Variants in GRID2 observed in about 807,000 individuals in gnomAD.
GRID2 encodes the protein glutamate receptor ionotropic, delta-2.
A neutral mutation model predicts 114.8 loss-of-function variants in GRID2; 33 were observed. That is an observed-to-expected ratio of 0.29 (90% confidence interval 0.22 to 0.38). The LOEUF is 0.38. Ranked by LOEUF, GRID2 falls within the 10% of genes least tolerant of loss-of-function variation. GRID2 has a pLI of 1.00. For synonymous variants in GRID2, 505 were observed against 449.9 expected, an observed-to-expected ratio of 1.12 and a Z score of -1.55; for missense variants, 1,184 against 1,257.7, an observed-to-expected ratio of 0.94 and a Z score of 0.89.
intron 2 of GRID2, among the ~76,000 whole-genome samples, chr4:92,767,055 G>C (rs1441113390): frequency 6.6e-6 from 1 of 152,082 alleles, no homozygotes; most frequent in Non-Finnish European, 1.5e-5. Context: ...CTAAATTTTG[G>C]TCAATGGGAT....
intron 1 of GRID2, among the ~76,000 whole-genome samples, chr4:93,792,139 TA>T (rs1183234229): frequency 6.6e-6 from 1 of 152,182 alleles, no homozygotes; most frequent in Non-Finnish European, 1.5e-5. Context: ...CATATATTCA[TA>T]ATTTCTAAAT....
intron 2 of GRID2, among the ~76,000 whole-genome samples, chr4:92,628,646 T>A (rs1402674776): frequency 1.3e-5 from 2 of 152,024 alleles, no homozygotes; most frequent in Non-Finnish European, 2.9e-5. Context: ...GCGTGAGCCA[T>A]AGCGCCAGGC....
intron 8 of GRID2, among the ~76,000 whole-genome samples, chr4:93,373,309 GT>G (rs919884953): frequency 5.4e-5 from 8 of 148,600 alleles, no homozygotes; most frequent in East Asian, 3.9e-4. Flanking sequence ...TGTTCTCTAA[GT>G]TTTTTTTTTC....
intron 2 of GRID2, among the ~76,000 whole-genome samples, chr4:92,929,024 G>A (rs926773986): frequency 2.0e-5 from 3 of 151,232 alleles, no homozygotes; most frequent in African/African-American, 7.3e-5. Flanking sequence ...TATTCATTTT[G>A]CTTAGGATTA....
chr4:92,651,495 C>A (rs545513931), intron 2 of GRID2, among the ~76,000 whole-genome samples: 7 of 152,092 alleles, frequency 4.6e-5, no homozygotes, highest in South Asian at 2.1e-4. Context: ...TATAATAGGT[C>A]ATACTATCCA....
intron 13 of GRID2, among the ~76,000 whole-genome samples, chr4:93,590,568 G>A (rs565243185): frequency 1.3e-5 from 2 of 152,150 alleles, no homozygotes; most frequent in South Asian, 2.1e-4. Flanking sequence ...GAACTTTAAA[G>A]TAGTTTTTTC....
At chr4:93,519,509 C>T (rs1472965517) in intron 13 of GRID2, among the ~76,000 whole-genome samples, 1 of 152,104 alleles carries the variant, frequency 6.6e-6, no homozygotes, top group Non-Finnish European at 1.5e-5. Context: ...GTAGAAACTT[C>T]CAGGTGGCAG....
intron 8 of GRID2, among the ~76,000 whole-genome samples, chr4:93,272,369 A>G (rs1751554532): frequency 6.6e-6 from 1 of 152,168 alleles, no homozygotes; most frequent in African/African-American, 2.4e-5. Context: ...TAGGAACCAG[A>G]GCTGCTGTAT....
intron 4 of GRID2, among the ~76,000 whole-genome samples, chr4:93,191,584 T>G (rs1389506188): frequency 6.6e-6 from 1 of 152,092 alleles, no homozygotes; most frequent in Non-Finnish European, 1.5e-5. Context: ...TACATATCTT[T>G]ATTTCTTTAT....
chr4:93,239,743 C>T (rs888804280), intron 8 of GRID2, among the ~76,000 whole-genome samples: 1 of 151,590 alleles, frequency 6.6e-6, no homozygotes, highest in Non-Finnish European at 1.5e-5. Flanking sequence ...CTCCCATATG[C>T]TTCTCTCTGA....
chr4:93,088,101 C>T, intron 3 of GRID2, among the ~76,000 whole-genome samples: 1 of 151,978 alleles, frequency 6.6e-6, no homozygotes, highest in East Asian at 1.9e-4. Context: ...ATTTAGACTT[C>T]TATATCAAGT....
At chr4:92,631,489 C>A (rs555726356) in intron 2 of GRID2, among the ~76,000 whole-genome samples, 1 of 152,208 alleles carries the variant, frequency 6.6e-6, no homozygotes, top group African/African-American at 2.4e-5. Flanking sequence ...ACTTCTCTTA[C>A]AATCACAGGA....
intron 13 of GRID2, among the ~76,000 whole-genome samples, chr4:93,563,160 C>T (rs186168282): frequency 2.0e-5 from 3 of 152,120 alleles, no homozygotes; most frequent in African/African-American, 4.8e-5. Context: ...TAAAAGCAAA[C>T]TGTCAGTCTT....
At chr4:93,411,794 C>T (rs576491143) in intron 9 of GRID2, among the ~76,000 whole-genome samples, 1 of 152,074 alleles carries the variant, frequency 6.6e-6, no homozygotes, top group East Asian at 1.9e-4. Context: ...TGAATAATTT[C>T]TACAGCTGCC....
Position 92,934,611 on chromosome 4 carries a change from G to A in GRID2, c.245-150384G>A, listed in dbSNP as rs1466410612. Among the ~76,000 whole-genome samples, 3 of 146,332 alleles carry A rather than the reference G, an allele frequency of 2.1e-5. 1 individual carries two copies. The highest frequency in any genetic ancestry group is 3.0e-5 in the Non-Finnish European group (2 of 66,148). On this transcript the variant is annotated intron_variant, in intron 2 of 15. Coordinates refer to ENST00000282020, the MANE Select transcript of GRID2 (RefSeq NM_001510.4). The stretch of plus-strand genomic sequence containing the variant: ...CCTAAGCCAAAAGAACAAAGCTGGA[G>A]GCATCATGCTACCTGACTTCAAACT...
intron 2 of GRID2, among the ~76,000 whole-genome samples, chr4:92,922,119 G>T (rs1019921915): frequency 6.6e-6 from 1 of 152,184 alleles, no homozygotes; most frequent in Non-Finnish European, 1.5e-5. Flanking sequence ...AATGAGTGAG[G>T]CTCCGTGGGT....
chr4:92,589,313 A>G (rs1043603837), intron 1 of GRID2, among the ~76,000 whole-genome samples: 3 of 152,236 alleles, frequency 2.0e-5, no homozygotes, highest in Non-Finnish European at 4.4e-5. Flanking sequence ...TTTAATACAT[A>G]CAATGTGAGG....
chr4:92,716,604 A>G (rs1047776381), intron 2 of GRID2, among the ~76,000 whole-genome samples: 101 of 152,276 alleles, frequency 6.6e-4, no homozygotes, highest in African/African-American at 2.3e-3. Context: ...AATATAAATG[A>G]AGGCTTGTTC....
At chr4:92,704,725 C>CTCTCTCTCTCTCTCTCTCTCTT (rs1560542517) in intron 2 of GRID2, among the ~76,000 whole-genome samples, 17 of 133,248 alleles carry the variant, frequency 1.3e-4, no homozygotes, top group East Asian at 7.1e-4. Context: ...CTCTCTCTTT[C>CTCTCTCTCTCTCTCTCTCTCTT]TCTCTCTCTC....
Sources: gnomAD v4.1 joint callset for allele counts (sites outside exome capture counted in the v4.1 genomes callset) on GRCh38, gnomAD v4.1.1 for gene constraint, MANE v1.5 for transcripts, NCBI Gene and HGNC (gene_info 2026-07-23, HGNC 2026-07-21) for gene names.